GRIK3: variants seen among roughly 807,000 people sequenced by gnomAD.
GRIK3 encodes the protein glutamate receptor ionotropic, kainate 3.
In GRIK3, 29 loss-of-function variants were observed where a neutral mutation model predicts 102.5. The ratio of observed to expected loss-of-function variants is 0.28; its 90% CI spans 0.21 to 0.39. The LOEUF (loss-of-function observed/expected upper bound fraction) is 0.39. Ranked by LOEUF, GRIK3 falls within the 10% of genes least tolerant of loss-of-function variation. The probability of loss-of-function intolerance (pLI) is 1.00; values close to 1 mark genes in which losing one functional copy is unlikely to be tolerated. For missense variants in GRIK3, 908 were observed against 1,252.4 expected (o/e 0.73, Z 4.15); for synonymous variants, 511 against 504.9 (o/e 1.01, Z -0.16).
rs374964956 is a variant in GRIK3, at chr1:36,841,824, T to C, written c.1442A>G (p.Tyr481Cys). The change falls in exon 10 of 16, where the codon TAT (tyrosine) becomes TGT (cysteine). Residue 481 changes from tyrosine to cysteine, a missense_variant. Coordinates refer to ENST00000373091, the MANE Select transcript of GRIK3 (RefSeq NM_000831.4). ...KELAHILGFS[Y>C]EIRLVEDGKY... The stretch of plus-strand genomic sequence containing the variant: ...GCCGTCCTCCACCAGCCGGATCTCA[T>C]AGGAGAAACCAAGGATGTGGGCCAG... The C allele has an allele frequency of 3.7e-6, 6 of 1,614,168 alleles. No homozygotes were observed. The highest frequency in any genetic ancestry group is 5.1e-6 in the Non-Finnish European group (6 of 1,180,004).
chr1:36,999,311 G>C (rs149095629), intron 1 of GRIK3, among the ~76,000 whole-genome samples: 14 of 152,190 alleles, frequency 9.2e-5, no homozygotes, highest in Admixed American at 2.6e-4. Flanking sequence ...GGCAGGTAGA[G>C]GAGCAGAGAA....
chr1:37,020,738 A>G (rs890562688), intron 1 of GRIK3, among the ~76,000 whole-genome samples: 1 of 150,472 alleles, frequency 6.6e-6, no homozygotes, highest in African/African-American at 2.4e-5. Flanking sequence ...AGCCTACCAG[A>G]GTTCTAAAGG....
intron 13 of GRIK3, among the ~76,000 whole-genome samples, chr1:36,807,348 C>T (rs1448706276): frequency 6.6e-6 from 1 of 152,106 alleles, no homozygotes; most frequent in Non-Finnish European, 1.5e-5. Context: ...AGTGCTTTGC[C>T]AACTGCCTGC....
At chr1:36,842,573 C>G (rs1181344453) in intron 9 of GRIK3, among the ~76,000 whole-genome samples, 1 of 152,194 alleles carries the variant, frequency 6.6e-6, no homozygotes, top group Non-Finnish European at 1.5e-5. Context: ...TCCTCAGTCC[C>G]CTGTGTTAGG....
At chr1:37,021,870 T>G (rs1487819167) in intron 1 of GRIK3, among the ~76,000 whole-genome samples, 1 of 152,146 alleles carries the variant, frequency 6.6e-6, no homozygotes, top group Admixed American at 6.5e-5. Flanking sequence ...GACCAGCCTT[T>G]AAGTCCTCAG....
intron 12 of GRIK3, among the ~76,000 whole-genome samples, chr1:36,817,914 GA>G (rs1007420968): frequency 1.8e-3 from 279 of 151,502 alleles, no homozygotes; most frequent in African/African-American, 5.4e-3. Flanking sequence ...TGCAGGAGGG[GA>G]AAAAAAAATC....
intron 3 of GRIK3, among the ~76,000 whole-genome samples, chr1:36,875,778 C>A (rs950803616): frequency 6.6e-6 from 1 of 152,222 alleles, no homozygotes; most frequent in Non-Finnish European, 1.5e-5. Context: ...GTGAGTTAAA[C>A]AAATGCTTAT....
chr1:36,925,102 T>G (rs1641513845), intron 1 of GRIK3, among the ~76,000 whole-genome samples: 1 of 152,132 alleles, frequency 6.6e-6, no homozygotes, highest in African/African-American at 2.4e-5. Context: ...AGCAGGAAGA[T>G]TCCACAGCTA....
chr1:36,904,160 A>C (rs1471002781), intron 1 of GRIK3, among the ~76,000 whole-genome samples: 1 of 152,204 alleles, frequency 6.6e-6, no homozygotes, highest in Non-Finnish European at 1.5e-5. Context: ...AAAAAGAAAA[A>C]AGGGTAATAT....
chr1:36,840,551 CAAAAAA>C (rs11442581), intron 10 of GRIK3, among the ~76,000 whole-genome samples: 10 of 73,322 alleles, frequency 1.4e-4, no homozygotes, highest in Middle Eastern at 0.01. Context: ...TGCTCTCCAC[CAAAAAA>C]AAAAAAAAAA....
In GRIK3 at chr1:37,011,800, C is replaced by T. The variant is rs139496770; in HGVS notation, c.115+22194G>A. On this transcript the variant is annotated intron_variant, in intron 1 of 15. Coordinates refer to ENST00000373091, the MANE Select transcript of GRIK3 (RefSeq NM_000831.4). Reference sequence around the variant, plus strand: ...ACCATGGGCCTGTTATGACTCCTAGCTCTTCCATGCAGAGACGCATTTCTC... The same window carrying T: ...ACCATGGGCCTGTTATGACTCCTAGTTCTTCCATGCAGAGACGCATTTCTC... Among the ~76,000 whole-genome samples, 301 of 152,304 alleles carry T rather than the reference C, an allele frequency of 2.0e-3. 1 individual carries two copies. The highest frequency in any genetic ancestry group is 6.8e-3 in the African/African-American group (283 of 41,578).
intron 1 of GRIK3, among the ~76,000 whole-genome samples, chr1:36,940,160 T>C (rs1243314583): frequency 1.3e-5 from 2 of 152,186 alleles, no homozygotes; most frequent in African/African-American, 2.4e-5. Flanking sequence ...GCTCAGCATC[T>C]CATGGAGAGG....
At chr1:36,820,748 G>A (rs186461206) in intron 11 of GRIK3, among the ~76,000 whole-genome samples, 11 of 152,244 alleles carry the variant, frequency 7.2e-5, no homozygotes, top group African/African-American at 2.6e-4. Flanking sequence ...CCTATCCCCC[G>A]GAGAGAACAA....
chr1:36,928,793 C>G (rs1641556910), intron 1 of GRIK3, among the ~76,000 whole-genome samples: 2 of 152,156 alleles, frequency 1.3e-5, no homozygotes, highest in Admixed American at 1.3e-4. Context: ...CTCTTTGTCC[C>G]CAATTATGCA....
intron 1 of GRIK3, among the ~76,000 whole-genome samples, chr1:36,924,922 A>G (rs1411956766): frequency 6.6e-6 from 1 of 152,038 alleles, no homozygotes. Flanking sequence ...GCACACGAAA[A>G]CCCACACTCT....
chr1:36,815,407 C>A (rs564054553), intron 13 of GRIK3, among the ~76,000 whole-genome samples: 1 of 152,180 alleles, frequency 6.6e-6, no homozygotes, highest in African/African-American at 2.4e-5. Flanking sequence ...TCACTCAGGC[C>A]CCACTGGAGG....
At chr1:36,843,212 A>G (rs1220788630) in intron 9 of GRIK3, among the ~76,000 whole-genome samples, 2 of 152,194 alleles carry the variant, frequency 1.3e-5, no homozygotes, top group African/African-American at 4.8e-5. Flanking sequence ...GCTCCGATGC[A>G]GCAAGTCCGA....
intron 1 of GRIK3, among the ~76,000 whole-genome samples, chr1:37,030,408 C>T (rs1394900440): frequency 1.3e-5 from 2 of 152,082 alleles, no homozygotes; most frequent in African/African-American, 4.8e-5. Context: ...GGTGTCTCTC[C>T]CCAGGGATCG....
Position 36,801,920 on chromosome 1 carries a change from G to C in GRIK3, c.2691C>G (p.Phe897Leu), listed in dbSNP as rs1642445025. Residue 897 changes from phenylalanine to leucine, a missense_variant, in exon 16 of 16, where the codon TTC becomes TTG. Phe to Leu is a conservative substitution (Grantham distance 22). Coordinates refer to ENST00000373091, the MANE Select transcript of GRIK3 (RefSeq NM_000831.4). ...KTDAVINMHT[F>L]NDRRLPGKDS... Reference sequence around the variant, plus strand: ...CCTTGCCGGGAAGCCGGCGGTCATTGAATGTGTGCATGTTGATGACGGCGT... The same window carrying C: ...CCTTGCCGGGAAGCCGGCGGTCATTCAATGTGTGCATGTTGATGACGGCGT... The C allele has an allele frequency of 6.2e-7, 1 of 1,613,978 alleles. No homozygotes were observed. The highest frequency in any genetic ancestry group is 8.5e-7 in the Non-Finnish European group (1 of 1,180,002).
Sources: gnomAD v4.1 joint callset for allele counts (sites outside exome capture counted in the v4.1 genomes callset) on GRCh38, gnomAD v4.1.1 for gene constraint, MANE v1.5 for transcripts, NCBI Gene and HGNC (gene_info 2026-07-23, HGNC 2026-07-21) for gene names.